MAPKAP1: variants seen among roughly 807,000 people sequenced by gnomAD.
MAPKAP1 encodes MAPK associated protein 1.
MAPKAP1 carries 20 observed loss-of-function variants against 65.7 expected under a neutral mutation model. The observed-to-expected ratio is 0.30, with a 90% confidence interval of 0.21 to 0.44. The LOEUF is 0.44. Among genes scored for constraint, MAPKAP1 ranks in the 20% least tolerant of loss-of-function variants. The pLI, the probability that MAPKAP1 is intolerant of heterozygous loss-of-function variation, is 1.00. For synonymous variants in MAPKAP1, 222 were observed against 244.3 expected (o/e 0.91, Z 0.85); for missense variants, 423 against 648.0 (o/e 0.65, Z 3.77).
chr9:125,603,934 A>AT (rs1055309521), intron 4 of MAPKAP1, among the ~76,000 whole-genome samples: 4 of 151,516 alleles, frequency 2.6e-5, no homozygotes, highest in East Asian at 3.9e-4. Context: ...GAAACATTTT[A>AT]TTTTTTTTAA....
intron 5 of MAPKAP1, among the ~76,000 whole-genome samples, chr9:125,561,440 C>G (rs1054852789): frequency 2.6e-5 from 4 of 152,184 alleles, no homozygotes; most frequent in African/African-American, 7.2e-5. Context: ...AGAAAGTAAT[C>G]TAGCTATGTT....
rs748515330 is a variant in MAPKAP1 at position 125,672,548 on chromosome 9, G to A, written c.27C>T (p.Ile9=). 6.2e-7 allele frequency: 1 copy of A among 1,614,148 alleles called. No homozygotes were observed. Among genetic ancestry groups the A allele is most frequent in the Non-Finnish European group, 8.5e-7 (1 of 1,180,008 alleles). ...GTGACTGTCGAATATGAGCTAGAATGATAGTTGGATTGTCCAAGAAGGCCA... is the reference window on the plus strand; with the variant it reads ...GTGACTGTCGAATATGAGCTAGAATAATAGTTGGATTGTCCAAGAAGGCCA... The part of the protein sequence containing the change: MAFLDNPT[I]ILAHIRQSHV... Residue 9 remains isoleucine, a synonymous_variant, in exon 2 of 12, where the codon ATC becomes ATT. Transcript: ENST00000265960.
At chr9:125,641,660 CT>C (rs561079808) in intron 4 of MAPKAP1, among the ~76,000 whole-genome samples, 75 of 151,880 alleles carry the variant, frequency 4.9e-4, no homozygotes, top group African/African-American at 1.7e-3. Context: ...AATCCCAGGA[CT>C]TTGGGAGGCC....
At position 125,669,892 on chromosome 9, in the gene MAPKAP1, C is replaced by T. The variant is rs1477195100; in HGVS notation, c.275G>A (p.Arg92Gln). The change falls in exon 3 of 12, where the codon CGA becomes CAA. Residue 92 changes from arginine to glutamine, a missense_variant. Physicochemically the swap from Arg to Gln is conservative, Grantham distance 43. Around this residue, in one of 6 missense-constraint regions of MAPKAP1, gnomAD observed 67 missense variants for 69.6 expected, o/e 0.96. Transcript: ENST00000265960. Reference protein sequence around the residue: ...RRSNTAQRLERLRKERQNQIK... With the variant: ...RRSNTAQRLEQLRKERQNQIK... ...CTGGTTTTGTCTCTCTTTTCGGAGT[C>T]GTTCTAATCTTTGAGCTTGAAAAGA... 1.9e-6 allele frequency: 3 copies of T among 1,588,148 alleles called. No homozygotes were observed. The highest frequency in any genetic ancestry group is 3.5e-5 in the Admixed American group (2 of 56,880).
chr9:125,629,742 T>A (rs1772470694), intron 4 of MAPKAP1, among the ~76,000 whole-genome samples: 1 of 152,186 alleles, frequency 6.6e-6, no homozygotes, highest in South Asian at 2.1e-4. Flanking sequence ...GTTAAGATGG[T>A]AAATTTTATG....
chr9:125,607,219 C>T (rs1832463794), intron 4 of MAPKAP1, among the ~76,000 whole-genome samples: 1 of 152,122 alleles, frequency 6.6e-6, no homozygotes, highest in South Asian at 2.1e-4. Flanking sequence ...AGGGTTTCAA[C>T]AAATATTATA....
intron 8 of MAPKAP1, among the ~76,000 whole-genome samples, chr9:125,488,461 G>T (rs1854577676): frequency 6.6e-6 from 1 of 152,148 alleles, no homozygotes; most frequent in South Asian, 2.1e-4. Flanking sequence ...TACCTCCCAG[G>T]TTCAAGCAAT....
At chr9:125,550,486 T>C (rs943202282) in intron 6 of MAPKAP1, among the ~76,000 whole-genome samples, 2 of 152,370 alleles carry the variant, frequency 1.3e-5, no homozygotes, top group African/African-American at 4.8e-5. Context: ...AGTTGATGGT[T>C]ATCTAAAATG....
chr9:125,440,120 A>T (rs907965081), intron 11 of MAPKAP1, among the ~76,000 whole-genome samples: 8 of 152,186 alleles, frequency 5.3e-5, no homozygotes, highest in African/African-American at 1.9e-4. Context: ...TGGGATGCAC[A>T]CGCCCCAGTG....
At chr9:125,681,515 T>G (rs1430967044) in intron 1 of MAPKAP1, among the ~76,000 whole-genome samples, 1 of 152,228 alleles carries the variant, frequency 6.6e-6, no homozygotes, top group African/African-American at 2.4e-5. Flanking sequence ...AAAGGAACCC[T>G]GATCCCTGGT....
At chr9:125,499,974 G>A (rs556342055) in intron 8 of MAPKAP1, among the ~76,000 whole-genome samples, 166 of 152,176 alleles carry the variant, frequency 1.1e-3, no homozygotes, top group Admixed American at 3.4e-3. Flanking sequence ...GTGACAGAAT[G>A]AGACTCTTTC....
At chr9:125,622,591 G>A (rs974179895) in intron 4 of MAPKAP1, among the ~76,000 whole-genome samples, 5 of 151,632 alleles carry the variant, frequency 3.3e-5, no homozygotes, top group Admixed American at 2.6e-4. Flanking sequence ...GATTGCAGGC[G>A]GGCACCACCA....
intron 4 of MAPKAP1, among the ~76,000 whole-genome samples, chr9:125,603,342 G>A (rs1000694739): frequency 1.3e-5 from 2 of 152,162 alleles, no homozygotes; most frequent in African/African-American, 4.8e-5. Context: ...CCAGGTGGCA[G>A]TACCCAATTG....
At chr9:125,480,961 G>A in intron 9 of MAPKAP1, among the ~76,000 whole-genome samples, 1 of 114,292 alleles carries the variant, frequency 8.7e-6, no homozygotes, top group Non-Finnish European at 1.7e-5. Context: ...GACAGAGCGA[G>A]ACTCCGTTTC....
At chr9:125,523,053 A>C (rs966841449) in intron 7 of MAPKAP1, among the ~76,000 whole-genome samples, 1 of 152,186 alleles carries the variant, frequency 6.6e-6, no homozygotes, top group African/African-American at 2.4e-5. Flanking sequence ...CACAATAGGG[A>C]AAGTTGCACC....
chr9:125,557,885 CT>C (rs1437860842), intron 6 of MAPKAP1, among the ~76,000 whole-genome samples: 3 of 152,140 alleles, frequency 2.0e-5, no homozygotes, highest in African/African-American at 7.2e-5. Flanking sequence ...TAGATGGAGT[CT>C]CACTTTGTCG....
intron 7 of MAPKAP1, among the ~76,000 whole-genome samples, chr9:125,527,805 C>G (rs879125818): frequency 6.6e-6 from 1 of 152,220 alleles, no homozygotes; most frequent in Non-Finnish European, 1.5e-5. Flanking sequence ...AGATCCACAT[C>G]ATTACGGGAA....
At chr9:125,453,670 G>T (rs1853048590) in intron 10 of MAPKAP1, among the ~76,000 whole-genome samples, 1 of 152,110 alleles carries the variant, frequency 6.6e-6, no homozygotes, top group South Asian at 2.1e-4. Flanking sequence ...CTATTGGTCT[G>T]TTTTACATTT....
chr9:125,519,780 C>T (rs924918479), intron 7 of MAPKAP1, among the ~76,000 whole-genome samples: 8 of 151,876 alleles, frequency 5.3e-5, no homozygotes, highest in Non-Finnish European at 1.2e-4. Context: ...TAACTATGCC[C>T]GCCCCAGCCT....
Sources: allele counts gnomAD v4.1 joint callset (sites outside exome capture counted in the v4.1 genomes callset), GRCh38; gene constraint gnomAD v4.1.1; regional missense constraint gnomAD v4.1.1; transcripts MANE v1.5; gene names NCBI Gene and HGNC (gene_info 2026-07-23, HGNC 2026-07-21).